The following TOX variants were observed in gnomAD, a reference collection of about 807,000 sequenced individuals.
TOX encodes thymocyte selection-associated high mobility group box protein TOX.
Under a neutral mutation model 53.7 loss-of-function variants are expected in TOX, and 11 were observed. The observed-to-expected ratio is 0.20, with a 90% confidence interval of 0.13 to 0.34. The LOEUF (loss-of-function observed/expected upper bound fraction) is 0.34. TOX is among the 10% of genes least tolerant of loss of function. The pLI, the probability that TOX is intolerant of heterozygous loss-of-function variation, is 1.00. For missense variants in TOX, 570 were observed against 664.6 expected (o/e 0.86, Z 1.56); for synonymous variants, 225 against 245.3 (o/e 0.92, Z 0.77).
chr8:58,861,453 G>A (rs1184351341), intron 3 of TOX, among the ~76,000 whole-genome samples: 1 of 152,136 alleles, frequency 6.6e-6, no homozygotes, highest in East Asian at 1.9e-4. Context: ...CAAAGTGTAG[G>A]CAGTGTTTTG....
At chr8:58,848,654 C>T (rs1810759214) in intron 4 of TOX, among the ~76,000 whole-genome samples, 1 of 152,068 alleles carries the variant, frequency 6.6e-6, no homozygotes, top group African/African-American at 2.4e-5. Flanking sequence ...AGGCTTAGAA[C>T]CACAAGCTGC....
chr8:59,069,822 C>T (rs1804161578), intron 1 of TOX, among the ~76,000 whole-genome samples: 1 of 152,158 alleles, frequency 6.6e-6, no homozygotes, highest in Non-Finnish European at 1.5e-5. Context: ...AGAGGAGAGG[C>T]TTCAAAAAGG....
At chr8:58,944,713 C>T (rs1043426953) in intron 2 of TOX, among the ~76,000 whole-genome samples, 2 of 152,174 alleles carry the variant, frequency 1.3e-5, no homozygotes. Context: ...TATGTGTTTG[C>T]CAGATACAAA....
chr8:59,008,956 T>C (rs1048383361), intron 1 of TOX, among the ~76,000 whole-genome samples: 4 of 152,204 alleles, frequency 2.6e-5, no homozygotes, highest in Non-Finnish European at 5.9e-5. Flanking sequence ...TCAATAGATA[T>C]GATACTGTAG....
chr8:58,888,361 A>T (rs549682115), intron 3 of TOX, among the ~76,000 whole-genome samples: 1 of 152,218 alleles, frequency 6.6e-6, no homozygotes, highest in South Asian at 2.1e-4. Context: ...AATGTGTAAG[A>T]TATATAAGAA....
At chr8:58,873,328 T>C (rs965407812) in intron 3 of TOX, among the ~76,000 whole-genome samples, 9 of 152,144 alleles carry the variant, frequency 5.9e-5, no homozygotes, top group African/African-American at 1.7e-4. Flanking sequence ...TAAAAATCCA[T>C]AAAGAATCCT....
intron 1 of TOX, among the ~76,000 whole-genome samples, chr8:59,053,298 A>G (rs565126994): frequency 6.6e-6 from 1 of 152,270 alleles, no homozygotes; most frequent in South Asian, 2.1e-4. Context: ...AGAAAATATT[A>G]TCTCCCATAA....
intron 1 of TOX, among the ~76,000 whole-genome samples, chr8:59,047,881 G>A (rs1443997367): frequency 6.6e-6 from 1 of 152,024 alleles, no homozygotes; most frequent in Non-Finnish European, 1.5e-5. Flanking sequence ...ATGTCTAACA[G>A]GAAAAAATTA....
At chr8:59,014,888 C>G (rs7007391) in intron 1 of TOX, among the ~76,000 whole-genome samples, 4,166 of 152,216 alleles carry the variant, frequency 0.027, 179 homozygotes, top group African/African-American at 0.094. Context: ...AAAGAAATAA[C>G]CGCTACAAAA....
intron 1 of TOX, among the ~76,000 whole-genome samples, chr8:59,063,836 T>C (rs1306661132): frequency 6.6e-6 from 1 of 152,204 alleles, no homozygotes; most frequent in Admixed American, 6.5e-5. Flanking sequence ...AAAACGTCTA[T>C]AGACATATCT....
chr8:58,887,443 G>A (rs1367043782), intron 3 of TOX, among the ~76,000 whole-genome samples: 1 of 151,802 alleles, frequency 6.6e-6, no homozygotes, highest in Non-Finnish European at 1.5e-5. Flanking sequence ...ATTGGGGAGA[G>A]GGACAACTTT....
At chr8:58,880,659 A>C (rs16924180) in intron 3 of TOX, among the ~76,000 whole-genome samples, 31,260 of 152,114 alleles carry the variant, frequency 0.21, 3,544 homozygotes, top group African/African-American at 0.29. Context: ...AGAGCTCTGC[A>C]TGGGCCTGAG....
chr8:58,913,585 T>G (rs1811945712), intron 3 of TOX, among the ~76,000 whole-genome samples: 1 of 152,194 alleles, frequency 6.6e-6, no homozygotes, highest in Non-Finnish European at 1.5e-5. Context: ...CGTGGTAAAG[T>G]CACCTTCTAA....
chr8:58,897,737 A>G lies in TOX; in HGVS notation c.411+41565T>C, dbSNP rs1210825810. Among the ~76,000 whole-genome samples, 5 of 150,944 alleles carry G rather than the reference A, an allele frequency of 3.3e-5. No homozygotes were observed. In the East Asian group the frequency reaches 5.8e-4, roughly 18 times the overall value. On this transcript the variant is annotated intron_variant, in intron 3 of 8. Coordinates refer to ENST00000361421, the MANE Select transcript of TOX (RefSeq NM_014729.3). ...TTAACACATCCTACATACATGAGTCAGTAACAATTGTTGTTGAACCGTGAA... is the reference window on the plus strand; with the variant it reads ...TTAACACATCCTACATACATGAGTCGGTAACAATTGTTGTTGAACCGTGAA...
intron 1 of TOX, among the ~76,000 whole-genome samples, chr8:59,046,719 G>A (rs181834237): frequency 1.3e-5 from 2 of 151,918 alleles, no homozygotes; most frequent in Admixed American, 6.6e-5. Context: ...TTAGCTGGGC[G>A]TGGTGGCACG....
At chr8:58,808,091 A>G in intron 8 of TOX, 27 bp downstream of exon 8, 2 of 1,599,944 alleles carry the variant, frequency 1.3e-6, no homozygotes, top group Non-Finnish European at 8.5e-7. Context: ...GCTGTCCACC[A>G]CCAGGTGGCG....
At position 59,081,986 on chromosome 8, in the gene TOX, A is replaced by G. The variant is rs575471984; in HGVS notation, c.102+36900T>C. 2.0e-5 allele frequency among the ~76,000 whole-genome samples: 3 copies of G among 152,346 alleles called. 1 individual carries two copies. Among genetic ancestry groups the G allele is most frequent in the Middle Eastern group, 6.8e-3 (2 of 294 alleles). ...TTATAAAGGGGAAAAATAATAAAAA[A>G]TTTAGTTGAATATTTGTCAACTAAA... On this transcript the variant is annotated intron_variant, in intron 1 of 8. Coordinates refer to ENST00000361421, the MANE Select transcript of TOX (RefSeq NM_014729.3).
chr8:58,807,213 A>G lies in TOX; in HGVS notation c.*534T>C, dbSNP rs889066974. ...GTTTTAAAAATGAAGTAAAAATATG[A>G]ATGTTTGCCAATTTAACCCCTATTG... is the stretch of plus-strand genomic sequence containing the variant. On this transcript the variant is annotated 3_prime_UTR_variant, in exon 9 of 9. Transcript: ENST00000361421. 1.3e-5 allele frequency: 2 copies of G among 152,642 alleles called. No homozygotes were observed. The highest frequency in any genetic ancestry group is 2.9e-5 in the Non-Finnish European group (2 of 68,032). The allele number at this position is 152,642 out of a possible 1,614,324, so 9.5% of individuals were successfully genotyped here. A position where few individuals can be genotyped will look rare whatever the true frequency, so the allele number is the denominator to read the frequency against.
intron 3 of TOX, among the ~76,000 whole-genome samples, chr8:58,904,111 A>AAAGTGTTC (rs1353778908): frequency 1.3e-5 from 2 of 152,192 alleles, no homozygotes; most frequent in African/African-American, 4.8e-5. Context: ...TCCAATGAGA[A>AAAGTGTTC]AAGTGTTCAA....
Sources: allele counts gnomAD v4.1 joint callset (sites outside exome capture counted in the v4.1 genomes callset), GRCh38; gene constraint gnomAD v4.1.1; transcripts MANE v1.5; gene names NCBI Gene and HGNC (gene_info 2026-07-23, HGNC 2026-07-21).